The following UGT1A10 variants were observed in gnomAD, a reference collection of about 807,000 sequenced individuals.
UGT1A10 encodes UDP-glucuronosyltransferase 1A10.
UGT1A10 carries 49 observed loss-of-function variants against 45.8 expected under a neutral mutation model. The ratio of observed to expected loss-of-function variants is 1.07; its 90% CI spans 0.85 to 1.36. UGT1A10 has a LOEUF of 1.36. Ranked by LOEUF, UGT1A10 falls within the 40% of genes most tolerant of loss-of-function variation. UGT1A10 has a pLI of 0.00. For synonymous variants in UGT1A10, 284 were observed against 249.7 expected (o/e 1.14, Z -1.29); for missense variants, 745 against 668.6 (o/e 1.11, Z -1.26).
intron 1 of UGT1A10, chr2:233,682,730 G>A (rs745901168): frequency 9.3e-6 from 15 of 1,613,704 alleles, no homozygotes; most frequent in Admixed American, 1.7e-5. Flanking sequence ...TCCCAAACCC[G>A]TGATGCCCAA....
chr2:233,719,070 T>C lies in UGT1A10; in HGVS notation c.856-47964T>C, dbSNP rs144655870. On this transcript the variant is annotated intron_variant, in intron 1 of 4. Coordinates refer to ENST00000344644, the MANE Select transcript of UGT1A10 (RefSeq NM_019075.4). The stretch of plus-strand genomic sequence containing the variant: ...CACCCTGACAGCCTATGCTGTTCCA[T>C]GGACCCAGAAGGAATTTGATCGCGT... The C allele has an allele frequency of 4.3e-6, 7 of 1,614,166 alleles. No individual in the cohort carries two copies. In the African/African-American group the frequency reaches 6.7e-5, roughly 15 times the overall value.
chr2:233,726,224 T>G (rs1237222644), intron 1 of UGT1A10, among the ~76,000 whole-genome samples: 2 of 152,154 alleles, frequency 1.3e-5, no homozygotes, highest in Non-Finnish European at 2.9e-5. Context: ...TAGAAAACAT[T>G]TTTTAAAACT....
intron 4 of UGT1A10, chr2:233,771,316 C>G (rs936355212): frequency 6.6e-6 from 1 of 152,132 alleles, no homozygotes; most frequent in Non-Finnish European, 1.5e-5. Context: ...TTTCCCTCTC[C>G]TCTTCAATCT....
Position 233,728,007 on chromosome 2 carries a change from C to A in UGT1A10, c.856-39027C>A, listed in dbSNP as rs149726573. ...GGCATCAGCAATCTTGTGAGCACAG[C>A]ACATGTGGGAGTGACTTTCTGGAGT... On this transcript the variant is annotated intron_variant, in intron 1 of 4. Transcript: ENST00000344644. Among the ~76,000 whole-genome samples the A allele has an allele frequency of 4.5e-3, 686 of 152,336 alleles. 5 individuals carry two copies. Among genetic ancestry groups the A allele is most frequent in the African/African-American group, 0.016 (647 of 41,580 alleles).
chr2:233,654,530 C>A (rs1473661760), intron 1 of UGT1A10, among the ~76,000 whole-genome samples: 1 of 152,160 alleles, frequency 6.6e-6, no homozygotes, highest in Non-Finnish European at 1.5e-5. Flanking sequence ...ACGTTTTCTG[C>A]AGTTGATTAT....
chr2:233,734,262 T>C (rs1260850291), intron 1 of UGT1A10, among the ~76,000 whole-genome samples: 1 of 152,214 alleles, frequency 6.6e-6, no homozygotes, highest in Non-Finnish European at 1.5e-5. Context: ...GGAGGGTGTA[T>C]GTGTCCAGGA....
chr2:233,708,923 A>C lies in UGT1A10; in HGVS notation c.856-58111A>C, dbSNP rs145112619. 8.8e-3 allele frequency among the ~76,000 whole-genome samples: 1,338 copies of C among 152,224 alleles called. 30 individuals carry two copies. The highest frequency in any genetic ancestry group is 0.03 in the African/African-American group (1,249 of 41,522). ...TCTGGTTAGGTATTGCTTGCTACAG[A>C]GCCAAACTATGTCACCAGAACCCAT... On this transcript the variant is annotated intron_variant, in intron 1 of 4. Transcript: ENST00000344644.
chr2:233,711,786 G>T (rs952710503), intron 1 of UGT1A10, among the ~76,000 whole-genome samples: 2 of 152,208 alleles, frequency 1.3e-5, no homozygotes, highest in Non-Finnish European at 2.9e-5. Context: ...AGTGTGCACA[G>T]CCCAGAGAGC....
intron 1 of UGT1A10, among the ~76,000 whole-genome samples, chr2:233,718,242 C>T (rs2076642509): frequency 6.6e-6 from 1 of 152,148 alleles, no homozygotes; most frequent in Non-Finnish European, 1.5e-5. Flanking sequence ...CCTCTTTGAG[C>T]TTTACAAGAA....
At chr2:233,674,749 A>G (rs566007206) in intron 1 of UGT1A10, among the ~76,000 whole-genome samples, 6 of 152,348 alleles carry the variant, frequency 3.9e-5, no homozygotes, top group African/African-American at 1.2e-4. Context: ...TAATGTATGT[A>G]TTTATGACTA....
chr2:233,724,426 G>T, intron 1 of UGT1A10, among the ~76,000 whole-genome samples: 1 of 134,712 alleles, frequency 7.4e-6, no homozygotes, highest in Admixed American at 7.3e-5. Flanking sequence ...GGGCGGAGAG[G>T]CTCCTCACTT....
chr2:233,697,556 A>T, intron 1 of UGT1A10, among the ~76,000 whole-genome samples: 1 of 140,582 alleles, frequency 7.1e-6, no homozygotes, highest in African/African-American at 2.7e-5. Context: ...TTGTTTATTT[A>T]GCCTCAATTT....
chr2:233,678,933 A>C lies in UGT1A10; in HGVS notation c.855+41556A>C, dbSNP rs568040518. Among the ~76,000 whole-genome samples, 9 of 152,332 alleles carry C rather than the reference A, an allele frequency of 5.9e-5. No homozygotes were observed. The South Asian group carries it at 1.4e-3, about 25-fold the overall frequency. ...GAAGTCATGTGCAACATCTGGTCAC[A>C]GTTTTCTCCAGAAGAAATGTACTGT... On this transcript the variant is annotated intron_variant, in intron 1 of 4. Transcript: ENST00000344644.
rs28899171 is a variant in UGT1A10, at chr2:233,696,481, G to T, written c.855+59104G>T. On this transcript the variant is annotated intron_variant, in intron 1 of 4. Transcript: ENST00000344644. The stretch of plus-strand genomic sequence containing the variant: ...TTTTTGTAAGTTGATCTTGTATACT[G>T]CAACTTTACCGAATTTGCTTGTCAG... Among the ~76,000 whole-genome samples, 634 of 152,208 alleles carry T rather than the reference G, an allele frequency of 4.2e-3. 4 individuals carry two copies. Among genetic ancestry groups the T allele is most frequent in the African/African-American group, 0.015 (607 of 41,508 alleles).
At position 233,653,559 on chromosome 2, in the gene UGT1A10, A is replaced by G. The variant is rs189094926; in HGVS notation, c.855+16182A>G. 2.7e-3 allele frequency among the ~76,000 whole-genome samples: 409 copies of G among 152,328 alleles called. 1 individual carries two copies. The highest frequency in any genetic ancestry group is 9.2e-3 in the African/African-American group (381 of 41,572). ...AAACCTCTATGGGTCACCACCGCATACACAGTTGCTTAAAGTGCCCAAGTC... is the reference window on the plus strand; with the variant it reads ...AAACCTCTATGGGTCACCACCGCATGCACAGTTGCTTAAAGTGCCCAAGTC... On this transcript the variant is annotated intron_variant, in intron 1 of 4. Transcript: ENST00000344644.
At chr2:233,726,497 T>C (rs1473175630) in intron 1 of UGT1A10, among the ~76,000 whole-genome samples, 2 of 152,348 alleles carry the variant, frequency 1.3e-5, no homozygotes, top group East Asian at 3.9e-4. Flanking sequence ...CTTATTAATT[T>C]TGGAATTTCA....
chr2:233,649,049 C>T, intron 1 of UGT1A10: 1 of 1,003,074 alleles, frequency 1.0e-6, no homozygotes, highest in Non-Finnish European at 1.3e-6. Context: ...TCCTTTAGCA[C>T]ATTAAAAGTA....
At chr2:233,713,179 T>A in intron 1 of UGT1A10, 1 of 1,614,174 alleles carries the variant, frequency 6.2e-7, no homozygotes, top group African/African-American at 1.3e-5. Context: ...GTCCTCACCC[T>A]GGAGGTGAAT....
At chr2:233,767,802 T>C in intron 2 of UGT1A10, 47 bp from the exon 3 acceptor site, 1 of 1,614,174 alleles carries the variant, frequency 6.2e-7, no homozygotes, top group East Asian at 2.2e-5. Flanking sequence ...TGTTTTCTAA[T>C]CATATTATGT....
Sources: allele counts gnomAD v4.1 joint callset (sites outside exome capture counted in the v4.1 genomes callset), GRCh38; gene constraint gnomAD v4.1.1; transcripts MANE v1.5; gene names NCBI Gene and HGNC (gene_info 2026-07-23, HGNC 2026-07-21).